The following ASCC3 variants were observed in gnomAD, a reference collection of about 807,000 sequenced individuals.
ASCC3 encodes the protein activating signal cointegrator 1 complex subunit 3.
A neutral mutation model predicts 256.3 loss-of-function variants in ASCC3; 158 were observed. The ratio of observed to expected loss-of-function variants is 0.62; its 90% CI spans 0.54 to 0.70. The LOEUF (loss-of-function observed/expected upper bound fraction) is 0.70, where lower values mean the gene tolerates loss of function less well. Ranked by LOEUF, ASCC3 falls within the 30% of genes least tolerant of loss-of-function variation. ASCC3 has a pLI of 0.00. For synonymous variants in ASCC3, 948 were observed against 883.4 expected, an observed-to-expected ratio of 1.07 and a Z score of -1.30; for missense variants, 2,259 against 2,626.0, an observed-to-expected ratio of 0.86 and a Z score of 3.05.
At chr6:100,734,885 A>G (rs1780074402) in intron 10 of ASCC3, among the ~76,000 whole-genome samples, 1 of 152,200 alleles carries the variant, frequency 6.6e-6, no homozygotes, top group African/African-American at 2.4e-5. Context: ...ATGTAACAGA[A>G]TATCACCTTT....
intron 13 of ASCC3, among the ~76,000 whole-genome samples, chr6:100,693,389 A>G (rs1368857624): frequency 6.6e-6 from 1 of 152,126 alleles, no homozygotes; most frequent in East Asian, 1.9e-4. Context: ...GGAAAAAAAA[A>G]AAGCTTTCAA....
chr6:100,650,428 G>T (rs1775604212), intron 20 of ASCC3, 110 bp downstream of exon 20: 2 of 1,081,794 alleles, frequency 1.8e-6, no homozygotes, highest in Non-Finnish European at 2.8e-6. Context: ...TAAAATGGTG[G>T]TTTGGTAGCA....
chr6:100,863,650 G>A (rs1022381064), intron 3 of ASCC3, among the ~76,000 whole-genome samples: 1 of 151,710 alleles, frequency 6.6e-6, no homozygotes, highest in Non-Finnish European at 1.5e-5. Flanking sequence ...GGTCTCACTC[G>A]AGTTGCCCAG....
chr6:100,520,391 C>A (rs1774242136), intron 37 of ASCC3, among the ~76,000 whole-genome samples: 1 of 151,874 alleles, frequency 6.6e-6, no homozygotes, highest in Non-Finnish European at 1.5e-5. Context: ...TATTTTCCCA[C>A]AATGAGCCTT....
chr6:100,765,021 C>T (rs764677613), intron 10 of ASCC3, among the ~76,000 whole-genome samples: 1 of 152,052 alleles, frequency 6.6e-6, no homozygotes, highest in Non-Finnish European at 1.5e-5. Flanking sequence ...GAAAAGGTCA[C>T]ATAGATGGAA....
At chr6:100,510,259 G>T in intron 40 of ASCC3, 152 bp from the exon 41 acceptor site, 1 of 811,480 alleles carries the variant, frequency 1.2e-6, no homozygotes, top group Non-Finnish European at 2.0e-6. Flanking sequence ...CTTCCATTCT[G>T]GTTTGGTGTC....
intron 8 of ASCC3, among the ~76,000 whole-genome samples, chr6:100,776,635 G>A (rs939547819): frequency 6.6e-6 from 1 of 151,940 alleles, no homozygotes; most frequent in African/African-American, 2.4e-5. Context: ...CAGGCTACTC[G>A]TGAGTGCGCA....
At chr6:100,607,119 G>T (rs1276926812) in intron 30 of ASCC3, 31 bp from the exon 31 acceptor site, 5 of 1,607,232 alleles carry the variant, frequency 3.1e-6, no homozygotes, top group Non-Finnish European at 3.4e-6. Context: ...ACAAGATGTA[G>T]ATGCATAACT....
chr6:100,792,927 T>G (rs1769421997), intron 8 of ASCC3, among the ~76,000 whole-genome samples: 1 of 151,988 alleles, frequency 6.6e-6, no homozygotes, highest in Non-Finnish European at 1.5e-5. Flanking sequence ...GAAAGGGTTT[T>G]CTTCTCTCCA....
chr6:100,723,860 T>TCATATATATAA (rs1554220084), intron 11 of ASCC3, among the ~76,000 whole-genome samples: 37 of 110,226 alleles, frequency 3.4e-4, no homozygotes, highest in African/African-American at 1.1e-3. Context: ...TATTAGGGAA[T>TCATATATATAA]TATATATATA....
intron 30 of ASCC3, among the ~76,000 whole-genome samples, chr6:100,607,488 A>G (rs1340585977): frequency 6.6e-6 from 1 of 152,024 alleles, no homozygotes; most frequent in Non-Finnish European, 1.5e-5. Context: ...TAGTGGAAAA[A>G]AAAAATCAGC....
At chr6:100,549,969 A>T (rs1055813916) in intron 36 of ASCC3, among the ~76,000 whole-genome samples, 2 of 151,846 alleles carry the variant, frequency 1.3e-5, no homozygotes, top group African/African-American at 4.8e-5. Context: ...GATCCATGAA[A>T]ACTGATAAGG....
chr6:100,615,588 C>A (rs980786556), intron 30 of ASCC3, among the ~76,000 whole-genome samples: 22 of 152,132 alleles, frequency 1.4e-4, no homozygotes, highest in African/African-American at 5.3e-4. Flanking sequence ...TTAATGAATT[C>A]TAAAGTACTC....
intron 10 of ASCC3, among the ~76,000 whole-genome samples, chr6:100,732,435 G>GT (rs1779946102): frequency 2.0e-5 from 3 of 152,102 alleles, no homozygotes; most frequent in Non-Finnish European, 2.9e-5. Flanking sequence ...ACAAATTACA[G>GT]TAAGATAAAG....
chr6:100,653,528 C>T (rs1372250068), intron 17 of ASCC3, among the ~76,000 whole-genome samples: 2 of 151,708 alleles, frequency 1.3e-5, no homozygotes, highest in Admixed American at 6.6e-5. Flanking sequence ...ATCCCAGCTA[C>T]TCAGGCGGCT....
intron 14 of ASCC3, among the ~76,000 whole-genome samples, chr6:100,665,750 A>AG (rs1776438868): frequency 6.6e-6 from 1 of 150,728 alleles, no homozygotes; most frequent in Admixed American, 6.6e-5. Context: ...AAAAAACAAA[A>AG]AAAAAAGAAG....
chr6:100,723,686 C>T (rs1474250495), intron 11 of ASCC3, among the ~76,000 whole-genome samples: 1 of 150,438 alleles, frequency 6.6e-6, no homozygotes, highest in Non-Finnish European at 1.5e-5. Flanking sequence ...GAGGGAAAGC[C>T]TGACTATGAC....
At chr6:100,737,168 G>A (rs1388845689) in intron 10 of ASCC3, among the ~76,000 whole-genome samples, 4 of 150,544 alleles carry the variant, frequency 2.7e-5, no homozygotes, top group African/African-American at 9.8e-5. Flanking sequence ...AAAGGCGGGG[G>A]AGGCAGTGGG....
At chr6:100,855,238 C>T (rs780682845) in intron 3 of ASCC3, among the ~76,000 whole-genome samples, 10 of 152,016 alleles carry the variant, frequency 6.6e-5, no homozygotes, top group African/African-American at 2.4e-4. Context: ...CTCAGCCTCC[C>T]GAGTAGCTGG....
Sources: allele counts gnomAD v4.1 joint callset (sites outside exome capture counted in the v4.1 genomes callset), GRCh38; gene constraint gnomAD v4.1.1; transcripts MANE v1.5; gene names NCBI Gene and HGNC (gene_info 2026-07-23, HGNC 2026-07-21).